The following SLAMF6 variants were observed in gnomAD, a reference collection of about 807,000 sequenced individuals.
SLAMF6 encodes the protein NK-T-B-antigen.
A neutral mutation model predicts 38.3 loss-of-function variants in SLAMF6; 21 were observed. The ratio of observed to expected loss-of-function variants is 0.55; its 90% confidence interval spans 0.39 to 0.79. SLAMF6 has a LOEUF of 0.79. Ranked by LOEUF, SLAMF6 falls within the 30% of genes least tolerant of loss-of-function variation. SLAMF6 has a pLI of 0.00. For missense variants in SLAMF6, 341 were observed against 385.3 expected, an observed-to-expected ratio of 0.89 and a Z score of 0.96; for synonymous variants, 152 against 146.3, an observed-to-expected ratio of 1.04 and a Z score of -0.28.
intron 1 of SLAMF6, among the ~76,000 whole-genome samples, chr1:160,498,743 TA>T (rs1653727652): frequency 6.6e-6 from 1 of 152,184 alleles, no homozygotes; most frequent in African/African-American, 2.4e-5. Flanking sequence ...TTTGACTTTT[TA>T]ATAATAGCCA....
At chr1:160,508,538 C>T (rs998677752) in intron 1 of SLAMF6, among the ~76,000 whole-genome samples, 1 of 152,122 alleles carries the variant, frequency 6.6e-6, no homozygotes, top group African/African-American at 2.4e-5. Flanking sequence ...AAATGTTAGA[C>T]CTAAAACCAT....
rs1655018434 is a variant in SLAMF6 at position 160,522,306 on chromosome 1, C to T, written c.49+838G>A. On this transcript the variant is annotated intron_variant, in intron 1 of 7. Coordinates refer to ENST00000368057, the MANE Select transcript of SLAMF6 (RefSeq NM_001184714.2). ...CATAGAATTCTCATGAGACTCATAA[C>T]GTGTGTACAGCACCTGGCACAATAC... Among the ~76,000 whole-genome samples the T allele has an allele frequency of 2.0e-5, 3 of 152,144 alleles. No individual in the cohort carries two copies. The South Asian group carries it at 6.2e-4, about 31-fold the overall frequency.
At chr1:160,501,348 C>T (rs941356625) in intron 1 of SLAMF6, among the ~76,000 whole-genome samples, 2 of 152,220 alleles carry the variant, frequency 1.3e-5, no homozygotes, top group African/African-American at 4.8e-5. Flanking sequence ...AGGCTTGCCT[C>T]TGCATTGCCC....
chr1:160,519,582 G>A (rs1356125466), intron 1 of SLAMF6, among the ~76,000 whole-genome samples: 2 of 152,120 alleles, frequency 1.3e-5, no homozygotes, highest in Admixed American at 6.6e-5. Context: ...ATAAAATGTA[G>A]TATATACAGA....
intron 1 of SLAMF6, among the ~76,000 whole-genome samples, chr1:160,520,002 C>A (rs1047176927): frequency 2.0e-5 from 3 of 152,020 alleles, no homozygotes; most frequent in Admixed American, 6.6e-5. Flanking sequence ...GGTTAAGGGA[C>A]CAAAAACAGA....
At chr1:160,486,964 G>T (rs1348374974) in intron 7 of SLAMF6, 140 bp downstream of exon 7, 23 of 920,712 alleles carry the variant, frequency 2.5e-5, no homozygotes, top group Non-Finnish European at 3.6e-5. Flanking sequence ...ATTATGTTTT[G>T]GTGATGTCCT....
chr1:160,504,936 G>A (rs1331723514), intron 1 of SLAMF6, among the ~76,000 whole-genome samples: 1 of 152,176 alleles, frequency 6.6e-6, no homozygotes, highest in African/African-American at 2.4e-5. Flanking sequence ...CTGGGTACAA[G>A]AAGAAAGTCA....
At position 160,490,352 on chromosome 1, in the gene SLAMF6, G is replaced by A. The variant is rs1428235586; in HGVS notation, c.758-116C>T. The A allele has an allele frequency of 3.3e-6, 5 of 1,516,630 alleles. No individual in the cohort carries two copies. In the African/African-American group the frequency reaches 4.1e-5, roughly 13 times the overall value. The allele number at this position is 1,516,630 out of a possible 1,614,324, so 93.9% of individuals were successfully genotyped here. On this transcript the variant is annotated intron_variant, in intron 4 of 7. Transcript: ENST00000368057. ...GGGGACCCAAAAGGAAGGGCAAGCAGCCCTGAGACAGGGTCCCACTTTTCC... is the reference window on the plus strand; with the variant it reads ...GGGGACCCAAAAGGAAGGGCAAGCAACCCTGAGACAGGGTCCCACTTTTCC...
chr1:160,509,928 A>G (rs1043334779), intron 1 of SLAMF6, among the ~76,000 whole-genome samples: 1 of 152,164 alleles, frequency 6.6e-6, no homozygotes, highest in African/African-American at 2.4e-5. Context: ...ACATTACTAC[A>G]GATCTTATAG....
At chr1:160,489,225 CA>C in intron 5 of SLAMF6, 55 bp from the exon 6 acceptor site, 1 of 1,569,858 alleles carries the variant, frequency 6.4e-7, no homozygotes, top group Non-Finnish European at 8.8e-7. Flanking sequence ...ACTTCTCTCC[CA>C]GGACTTCTCC....
chr1:160,488,717 C>T (rs988121214), intron 6 of SLAMF6, among the ~76,000 whole-genome samples: 1 of 152,138 alleles, frequency 6.6e-6, no homozygotes. Context: ...CCATAGGAAA[C>T]TTTCAAACTT....
chr1:160,490,740 T>C, intron 3 of SLAMF6, 55 bp from the exon 4 acceptor site: 1 of 1,590,390 alleles, frequency 6.3e-7, no homozygotes, highest in Non-Finnish European at 8.5e-7. Flanking sequence ...GGCCCACTGT[T>C]CTTGGAGCCT....
At chr1:160,511,038 A>G (rs1654445826) in intron 1 of SLAMF6, among the ~76,000 whole-genome samples, 1 of 152,220 alleles carries the variant, frequency 6.6e-6, no homozygotes, top group African/African-American at 2.4e-5. Flanking sequence ...GAGAAGTTCA[A>G]GATAATACAC....
At chr1:160,509,270 A>G (rs1433832108) in intron 1 of SLAMF6, among the ~76,000 whole-genome samples, 3 of 152,250 alleles carry the variant, frequency 2.0e-5, no homozygotes, top group Non-Finnish European at 4.4e-5. Context: ...TCCAACAATG[A>G]TAGACTGGAT....
chr1:160,522,274 A>G (rs1655017755), intron 1 of SLAMF6, among the ~76,000 whole-genome samples: 1 of 152,226 alleles, frequency 6.6e-6, no homozygotes, highest in African/African-American at 2.4e-5. Context: ...TATTAATAGT[A>G]TAAATTCATA....
At chr1:160,490,119 C>A (rs12119876) in intron 5 of SLAMF6, 79 bp downstream of exon 5, 289,526 of 1,479,744 alleles carry the variant, frequency 0.2, 29,607 homozygotes, top group Admixed American at 0.28. Flanking sequence ...ATTATCCAGC[C>A]CTCTGCCATC....
intron 1 of SLAMF6, among the ~76,000 whole-genome samples, chr1:160,517,477 A>C (rs1654797465): frequency 6.6e-6 from 1 of 152,222 alleles, no homozygotes; most frequent in South Asian, 2.1e-4. Context: ...CAGAAATACC[A>C]TTTGACCCAG....
Position 160,491,218 on chromosome 1 carries a change from G to T in SLAMF6, c.553C>A (p.Pro185Thr), listed in dbSNP as rs776925614. 1.2e-6 allele frequency: 2 copies of T among 1,613,852 alleles called. No homozygotes were observed. Among genetic ancestry groups the T allele is most frequent in the Non-Finnish European group, 8.5e-7 (1 of 1,179,962 alleles). The change falls in exon 3 of 8, where the codon CCC (proline) becomes ACC (threonine). Residue 185 changes from proline (P) to threonine (T), a missense_variant. Coordinates refer to ENST00000368057, the MANE Select transcript of SLAMF6 (RefSeq NM_001184714.2). ...TAGTCCTGTTCACTGGAAATCCTGG[G>T]GTCCCAGGAGACAGTGAGGTTTGGC... is the stretch of plus-strand genomic sequence containing the variant. ...SQPNLTVSWD[P>T]RISSEQDYTC...
intron 2 of SLAMF6, among the ~76,000 whole-genome samples, chr1:160,493,448 C>A (rs1167550232): frequency 2.6e-5 from 4 of 152,178 alleles, no homozygotes; most frequent in Admixed American, 6.5e-5. Context: ...TCAGGGCTTT[C>A]TTACATGCTG....
Sources: allele counts gnomAD v4.1 joint callset (sites outside exome capture counted in the v4.1 genomes callset), GRCh38; gene constraint gnomAD v4.1.1; transcripts MANE v1.5; gene names NCBI Gene and HGNC (gene_info 2026-07-23, HGNC 2026-07-21).